CHRNA4: variants seen among roughly 807,000 people sequenced by gnomAD.
CHRNA4 encodes the protein cholinergic receptor nicotinic alpha 4 subunit.
In CHRNA4, 28 loss-of-function variants were observed where a neutral mutation model predicts 48.9. That is an observed-to-expected ratio of 0.57 (90% CI 0.42 to 0.79). The LOEUF is 0.79. CHRNA4 is among the 30% of genes least tolerant of loss of function. The pLI, the probability that CHRNA4 is intolerant of heterozygous loss-of-function variation, is 0.00. For missense variants in CHRNA4, 859 were observed against 898.4 expected, an observed-to-expected ratio of 0.96 and a Z score of 0.56; for synonymous variants, 425 against 402.3, an observed-to-expected ratio of 1.06 and a Z score of -0.68.
chr20:63,360,368 C>A (rs6090385), intron 1 of CHRNA4, among the ~76,000 whole-genome samples: 73,579 of 152,086 alleles, frequency 0.48, 19,238 homozygotes, highest in Non-Finnish European at 0.58. Context: ...CCCCAGCCTG[C>A]CCGTGCTGTT....
intron 1 of CHRNA4, chr20:63,359,903 G>GTGTGTGTGTGCCGGGCGTGCGC (rs758593745): frequency 0.36 from 151,342 of 417,048 alleles, 20,049 homozygotes; most frequent in Admixed American, 0.42. Context: ...TGTGCTGTGT[G>GTGTGTGTGTGCCGGGCGTGCGC]TGTGTGTGTG....
rs45541941 is a variant in CHRNA4, at chr20:63,343,312, G to A, written c.*3426C>T. Reference sequence around the variant, plus strand: ...CAGACATTGCCTGCAGAAGCCGGGCGGCCGCACCTGGGCTCGGCGGGCCAC... The same window carrying A: ...CAGACATTGCCTGCAGAAGCCGGGCAGCCGCACCTGGGCTCGGCGGGCCAC... On this transcript the variant is annotated 3_prime_UTR_variant, in exon 6 of 6. Coordinates refer to ENST00000370263, the MANE Select transcript of CHRNA4 (RefSeq NM_000744.7). The A allele has an allele frequency of 0.015, 6,520 of 446,600 alleles. 59 individuals are homozygous for A. The highest frequency in any genetic ancestry group is 0.027 in the Middle Eastern group (39 of 1,426). The allele number at this position is 446,600 out of a possible 1,614,324, so 27.7% of individuals were successfully genotyped here. A position where few individuals can be genotyped will look rare whatever the true frequency, so the allele number is the denominator to read the frequency against.
At chr20:63,358,184 G>A (rs969058244) in intron 2 of CHRNA4, among the ~76,000 whole-genome samples, 1 of 152,192 alleles carries the variant, frequency 6.6e-6, no homozygotes, top group Non-Finnish European at 1.5e-5. Flanking sequence ...GGAGGTCTGG[G>A]TGGCCAACCC....
Position 63,350,221 on chromosome 20 carries a change from C to T in CHRNA4, c.1190G>A (p.Gly397Asp). The change falls in exon 5 of 6, where the codon GGC (glycine) becomes GAC (aspartate). Residue 397 changes from glycine to aspartate, a missense_variant. This residue lies in a region of CHRNA4 where 478 missense variants were observed against 455.4 expected (regional missense o/e 1.05). Transcript: ENST00000370263. ...TGAGGGCGGGTGCAGGCTCTGGGTG[C>T]CGCTCGTGGCAGGGGGCTCCCCTTC... ...EPEGEPPATS[G>D]TQSLHPPSPS... 6.2e-7 allele frequency: 1 copy of T among 1,606,344 alleles called. No individual in the cohort carries two copies. The highest frequency in any genetic ancestry group is 8.5e-7 in the Non-Finnish European group (1 of 1,176,662).
intron 4 of CHRNA4, among the ~76,000 whole-genome samples, chr20:63,353,857 GGCTGTGGTTCTGGGGGGA>G: frequency 1.0e-5 from 1 of 95,680 alleles, no homozygotes; most frequent in South Asian, 4.5e-4. Flanking sequence ...CCCTCGGGGG[GGCTGTGGTTCTGGGGGGA>G]CTGTGGTCCT....
intron 1 of CHRNA4, chr20:63,359,909 G>GCCGGGCGTGCGC (rs1568820184): frequency 5.0e-5 from 24 of 483,320 alleles, no homozygotes; most frequent in African/African-American, 4.1e-4. Context: ...GTGTGTGTGT[G>GCCGGGCGTGCGC]TGTGTGTGTG....
rs201043471 is a variant in CHRNA4 at position 63,345,776 on chromosome 20, G to T, written c.*962C>A. The stretch of plus-strand genomic sequence containing the variant: ...TCTTCCCGAACCCAGAGCCCAGGGC[G>T]GATCTCCCGGGCTGCGCGCCAAGGT... On this transcript the variant is annotated 3_prime_UTR_variant, in exon 6 of 6. Transcript: ENST00000370263. This position sits in a 1 kb window ranked among gnomAD's most constrained non-coding sequence, Gnocchi z 5.4. The T allele has an allele frequency of 2.3e-6, 1 of 442,856 alleles. No individual in the cohort carries two copies. The highest frequency in any genetic ancestry group is 2.4e-5 in the Admixed American group (1 of 42,296). 27.4% of individuals were successfully genotyped at this position (442,856 alleles called of 1,614,324 possible). A position where few individuals can be genotyped will look rare whatever the true frequency, so the allele number is the denominator to read the frequency against.
chr20:63,357,535 T>C (rs1187731415), intron 2 of CHRNA4, among the ~76,000 whole-genome samples: 1 of 152,172 alleles, frequency 6.6e-6, no homozygotes, highest in East Asian at 1.9e-4. Flanking sequence ...CTGCAGCCAG[T>C]CCTGGGGCCT....
At chr20:63,355,907 G>A (rs772347854) in intron 4 of CHRNA4, 68 bp downstream of exon 4, 4 of 1,589,146 alleles carry the variant, frequency 2.5e-6, no homozygotes, top group Non-Finnish European at 3.4e-6. Flanking sequence ...TGTCTGGGCA[G>A]GGGCAGGCCC....
At chr20:63,349,404 A>T in intron 5 of CHRNA4, 1 of 591,388 alleles carries the variant, frequency 1.7e-6, no homozygotes. Context: ...ACTGTGTCCC[A>T]AAGCCAGAGA....
Position 63,350,153 on chromosome 20 carries a change from G to A in CHRNA4, c.1258C>T (p.Pro420Ser). ...TGGTCGGAGGGTGACTTGCAGGAAG[G>A]CCCAGGCTCAGCCGGCACATCCAGG... ...VPLDVPAEPG[P>S]SCKSPSDQLP... The change falls in exon 5 of 6, where the codon CCT becomes TCT. Residue 420 changes from proline (P) to serine (S), a missense_variant. Physicochemically the swap from Pro to Ser is moderately conservative, Grantham distance 74 (BLOSUM62 -1). Around this residue, in one of 3 missense-constraint regions of CHRNA4, gnomAD observed 478 missense variants for 455.4 expected, o/e 1.05. Coordinates refer to ENST00000370263, the MANE Select transcript of CHRNA4 (RefSeq NM_000744.7). The A allele has an allele frequency of 6.3e-7, 1 of 1,579,292 alleles. No homozygotes were observed. Among genetic ancestry groups the A allele is most frequent in the Non-Finnish European group, 8.6e-7 (1 of 1,160,528 alleles).
intron 5 of CHRNA4, among the ~76,000 whole-genome samples, chr20:63,348,406 G>C (rs1329763682): frequency 6.6e-6 from 1 of 152,272 alleles, no homozygotes; most frequent in East Asian, 1.9e-4. Context: ...AGGAGGTTTT[G>C]CAGCTTCTTG....
In CHRNA4 at chr20:63,361,198, C is replaced by T. The variant is rs1389337349; in HGVS notation, c.-33G>A. The T allele has an allele frequency of 1.4e-6, 2 of 1,448,020 alleles. No individual in the cohort carries two copies. Among genetic ancestry groups the T allele is most frequent in the Non-Finnish European group, 9.1e-7 (1 of 1,102,632 alleles). 89.7% of individuals were successfully genotyped at this position (1,448,020 alleles called of 1,614,324 possible). A position where few individuals can be genotyped will look rare whatever the true frequency, so the allele number is the denominator to read the frequency against. ...GCACCTCGCGGGCTCTAGATGCGGG[C>T]GGCTCCCGGCTCCCCGCCGCTTCGA... On this transcript the variant is annotated 5_prime_UTR_variant, in exon 1 of 6. Coordinates refer to ENST00000370263, the MANE Select transcript of CHRNA4 (RefSeq NM_000744.7).
intron 5 of CHRNA4, 61 bp downstream of exon 5, chr20:63,349,592 A>C (rs1370865143): frequency 1.2e-6 from 2 of 1,600,832 alleles, no homozygotes; most frequent in Admixed American, 3.3e-5. Flanking sequence ...CCAGGAAGAA[A>C]GGGCGTCCGC....
intron 4 of CHRNA4, chr20:63,355,667 G>A (rs1443261397): frequency 4.5e-6 from 5 of 1,115,748 alleles, no homozygotes; most frequent in Admixed American, 4.4e-5. Context: ...GTCCAGGCAG[G>A]GACACTGTGT....
chr20:63,360,481 CTGTCCTGGGCGCTGCCA>C (rs1286037578), intron 1 of CHRNA4, among the ~76,000 whole-genome samples: 1 of 152,164 alleles, frequency 6.6e-6, no homozygotes, highest in Admixed American at 6.5e-5. Flanking sequence ...CATTCCCCGC[CTGTCCTGGGCGCTGCCA>C]TAAGGGGCGG....
Position 63,345,998 on chromosome 20 carries a change from G to C in CHRNA4, c.*740C>G. On this transcript the variant is annotated 3_prime_UTR_variant, in exon 6 of 6. Transcript: ENST00000370263. The surrounding 1 kb of genome is among the most constrained non-coding windows in gnomAD (Gnocchi z 5.4). Reference sequence around the variant, plus strand: ...CCTGGTCTCCAGACTCGCTGGGGCTGGGTGTTCCTGTCCCCCGCGGAGGGC... The same window carrying C: ...CCTGGTCTCCAGACTCGCTGGGGCTCGGTGTTCCTGTCCCCCGCGGAGGGC... The C allele has an allele frequency of 2.2e-6, 1 of 454,076 alleles. No individual in the cohort carries two copies. The highest frequency in any genetic ancestry group is 4.4e-6 in the Non-Finnish European group (1 of 226,764). The allele number at this position is 454,076 out of a possible 1,614,324, so 28.1% of individuals were successfully genotyped here. A position where few individuals can be genotyped will look rare whatever the true frequency, so the allele number is the denominator to read the frequency against.
Position 63,345,364 on chromosome 20 carries a change from C to G in CHRNA4, c.*1374G>C, listed in dbSNP as rs1490340217. The G allele has an allele frequency of 4.5e-6, 2 of 440,542 alleles. No individual in the cohort carries two copies. The highest frequency in any genetic ancestry group is 9.2e-6 in the Non-Finnish European group (2 of 217,810). The allele number at this position is 440,542 out of a possible 1,614,324, so 27.3% of individuals were successfully genotyped here. A position where few individuals can be genotyped will look rare whatever the true frequency, so the allele number is the denominator to read the frequency against. ...TGTCACTCACAGGCAGGGGACACGC[C>G]ATCCTGGCCCCGCCCCTCTGGGCCC... On this transcript the variant is annotated 3_prime_UTR_variant, in exon 6 of 6. Coordinates refer to ENST00000370263, the MANE Select transcript of CHRNA4 (RefSeq NM_000744.7). The surrounding 1 kb of genome is among the most constrained non-coding windows in gnomAD (Gnocchi z 5.4).
chr20:63,359,599 C>G lies in CHRNA4; in HGVS notation c.177G>C (p.Ser59=), dbSNP rs138295365. ...GGCCGAAGCGGACGAGGACCACGTCCGAGATGTTGGCCACGGGTCGGGACC... is the reference window on the plus strand; with the variant it reads ...GGCCGAAGCGGACGAGGACCACGTCGGAGATGTTGGCCACGGGTCGGGACC... ...NKWSRPVANI[S]DVVLVRFGLS... The change falls in exon 2 of 6, where the codon TCG becomes TCC. Residue 59 remains serine, a synonymous_variant. Transcript: ENST00000370263. 2 of 1,612,714 alleles carry G rather than the reference C, an allele frequency of 1.2e-6. No individual in the cohort carries two copies. The highest frequency in any genetic ancestry group is 1.7e-6 in the Non-Finnish European group (2 of 1,179,936).
Sources: allele counts gnomAD v4.1 joint callset (sites outside exome capture counted in the v4.1 genomes callset), GRCh38; gene constraint gnomAD v4.1.1; regional missense constraint gnomAD v4.1.1; non-coding constraint Gnocchi (gnomAD v3.1); transcripts MANE v1.5; gene names NCBI Gene and HGNC (gene_info 2026-07-23, HGNC 2026-07-21).